DGKE: variants seen among roughly 807,000 people sequenced by gnomAD.
DGKE encodes the protein diacylglycerol kinase epsilon.
In DGKE, 53 loss-of-function variants were observed where a neutral mutation model predicts 70.0. The ratio of observed to expected loss-of-function variants is 0.76; its 90% CI spans 0.61 to 0.95. The LOEUF is 0.95. Among genes scored for constraint, DGKE ranks in the 40% least tolerant of loss-of-function variants. DGKE has a pLI of 0.00. For missense variants in DGKE, 655 were observed against 706.9 expected, an observed-to-expected ratio of 0.93 and a Z score of 0.83; for synonymous variants, 291 against 257.0, an observed-to-expected ratio of 1.13 and a Z score of -1.27.
chr17:56,867,282 A>G lies in DGKE; in HGVS notation c.*4491A>G, dbSNP rs1183954500. On this transcript the variant is annotated 3_prime_UTR_variant, in exon 12 of 12. Transcript: ENST00000284061. ...TATGCAAGAAAGTCTGCAGAAAATA[A>G]ATCACCTAGAAACTATAAATAGAAA... 1 of 152,188 alleles carries G rather than the reference A, an allele frequency of 6.6e-6. No homozygotes were observed. The highest frequency in any genetic ancestry group is 1.5e-5 in the Non-Finnish European group (1 of 68,044). 9.4% of individuals were successfully genotyped at this position (152,188 alleles called of 1,614,324 possible).
intron 7 of DGKE, 142 bp from the exon 8 acceptor site, chr17:56,856,370 C>A (rs1907949863): frequency 1.2e-6 from 1 of 856,284 alleles, no homozygotes; most frequent in Non-Finnish European, 1.8e-6. Context: ...CTTCACTGGA[C>A]AGTATAAAAT....
At chr17:56,843,939 T>C in intron 2 of DGKE, 80 bp from the exon 3 acceptor site, 1 of 1,358,204 alleles carries the variant, frequency 7.4e-7, no homozygotes, top group Non-Finnish European at 9.8e-7. Context: ...TTTTATTTTT[T>C]AACAAAAATG....
rs1731367631 is a variant in DGKE at position 56,845,797 on chromosome 17, G to C, written c.732G>C (p.Leu244Phe). Residue 244 changes from leucine to phenylalanine, a missense_variant, in exon 4 of 12, where the codon TTG becomes TTC. Leu to Phe is a conservative substitution (Grantham distance 22). Transcript: ENST00000284061. Reference sequence around the variant, plus strand: ...TGTTGGGAGAATTTAGGATCTTGTTGAATCCAGTCCAGGTAACTAAAGAAA... The same window carrying C: ...TGTTGGGAGAATTTAGGATCTTGTTCAATCCAGTCCAGGTAACTAAAGAAA... ...EGLLGEFRIL[L>F]NPVQVFDVTK... The C allele has an allele frequency of 6.2e-7, 1 of 1,601,070 alleles. No individual in the cohort carries two copies. The highest frequency in any genetic ancestry group is 8.5e-7 in the Non-Finnish European group (1 of 1,174,946).
chr17:56,858,613 G>T lies in DGKE; in HGVS notation c.1232G>T (p.Gly411Val). The change falls in exon 9 of 12, where the codon GGA becomes GTA. Residue 411 changes from glycine to valine, a missense_variant. Coordinates refer to ENST00000284061, the MANE Select transcript of DGKE (RefSeq NM_003647.3). ...ILNKAVYLFY[G>V]TKDCLVQECK... is the part of the protein sequence containing the mutation. ...TCATAGGCGGTTTACTTATTCTATGGAACCAAAGATTGTTTAGTGCAAGAA... is the reference window on the plus strand; with the variant it reads ...TCATAGGCGGTTTACTTATTCTATGTAACCAAAGATTGTTTAGTGCAAGAA... The T allele has an allele frequency of 6.2e-7, 1 of 1,607,592 alleles. No homozygotes were observed. The highest frequency in any genetic ancestry group is 1.3e-5 in the African/African-American group (1 of 74,638).
At chr17:56,835,384 A>T in intron 2 of DGKE, 125 bp downstream of exon 2, 1 of 979,936 alleles carries the variant, frequency 1.0e-6, no homozygotes, top group Non-Finnish European at 1.5e-6. Context: ...AAACAAGCTA[A>T]TAAATAAACA....
At chr17:56,855,256 A>G (rs1055528325) in intron 7 of DGKE, among the ~76,000 whole-genome samples, 4 of 152,176 alleles carry the variant, frequency 2.6e-5, no homozygotes, top group African/African-American at 9.7e-5. Context: ...ACAGACATTT[A>G]GTTCCATAAG....
At chr17:56,859,280 G>A (rs1227386205) in intron 9 of DGKE, among the ~76,000 whole-genome samples, 2 of 151,396 alleles carry the variant, frequency 1.3e-5, no homozygotes, top group African/African-American at 2.4e-5. Context: ...AGCCAAGATC[G>A]CGACGCTGCA....
Position 56,866,842 on chromosome 17 carries a change from T to C in DGKE, c.*4051T>C, listed in dbSNP as rs992423672. 1 of 152,250 alleles carries C rather than the reference T, an allele frequency of 6.6e-6. No homozygotes were observed. The highest frequency in any genetic ancestry group is 2.4e-5 in the African/African-American group (1 of 41,480). 9.4% of individuals were successfully genotyped at this position (152,250 alleles called of 1,614,324 possible). ...TGATTCTGCTATTTTTTATAAAGGGTTTGAAAGCCACTACTATAATGACTT... is the reference window on the plus strand; with the variant it reads ...TGATTCTGCTATTTTTTATAAAGGGCTTGAAAGCCACTACTATAATGACTT... On this transcript the variant is annotated 3_prime_UTR_variant, in exon 12 of 12. Transcript: ENST00000284061.
chr17:56,840,518 G>A (rs1217526465), intron 2 of DGKE, among the ~76,000 whole-genome samples: 3 of 152,120 alleles, frequency 2.0e-5, no homozygotes, highest in Non-Finnish European at 4.4e-5. Context: ...TGGGATTACA[G>A]GCATGCACCA....
At position 56,863,996 on chromosome 17, in the gene DGKE, A is replaced by G. The variant is rs372916146; in HGVS notation, c.*1205A>G. 7 of 152,206 alleles carry G rather than the reference A, an allele frequency of 4.6e-5. No individual in the cohort carries two copies. Among genetic ancestry groups the G allele is most frequent in the African/African-American group, 1.7e-4 (7 of 41,438 alleles). The allele number at this position is 152,206 out of a possible 1,614,324, so 9.4% of individuals were successfully genotyped here. A position where few individuals can be genotyped will look rare whatever the true frequency, so the allele number is the denominator to read the frequency against. ...ATCTAGATATTCTTATTCTTCACAAATATTCCTCATTGTATTGAAAAATGA... is the reference window on the plus strand; with the variant it reads ...ATCTAGATATTCTTATTCTTCACAAGTATTCCTCATTGTATTGAAAAATGA... On this transcript the variant is annotated 3_prime_UTR_variant, in exon 12 of 12. Coordinates refer to ENST00000284061, the MANE Select transcript of DGKE (RefSeq NM_003647.3).
At position 56,863,363 on chromosome 17, in the gene DGKE, G is replaced by A. The variant is rs1908402347; in HGVS notation, c.*572G>A. On this transcript the variant is annotated 3_prime_UTR_variant, in exon 12 of 12. Coordinates refer to ENST00000284061, the MANE Select transcript of DGKE (RefSeq NM_003647.3). ...TAAAAAAAGATCATACTTAAAATTT[G>A]TATTACAATTTTTATTTTAGGAACT... The A allele has an allele frequency of 6.6e-6, 1 of 152,136 alleles. No homozygotes were observed. The highest frequency in any genetic ancestry group is 6.5e-5 in the Admixed American group (1 of 15,278). 9.4% of individuals were successfully genotyped at this position (152,136 alleles called of 1,614,324 possible). A position where few individuals can be genotyped will look rare whatever the true frequency, so the allele number is the denominator to read the frequency against.
At position 56,862,357 on chromosome 17, in the gene DGKE, C is replaced by T. The variant is rs1908347631; in HGVS notation, c.1524+106C>T. 3 of 1,057,958 alleles carry T rather than the reference C, an allele frequency of 2.8e-6. No individual in the cohort carries two copies. In the African/African-American group the frequency reaches 4.7e-5, roughly 17 times the overall value. 65.5% of individuals were successfully genotyped at this position (1,057,958 alleles called of 1,614,324 possible). ...CTTTTCTTTAAACAGTGGTTTATGG[C>T]TCATGCAGCTGGTCACTGTACACTA... On this transcript the variant is annotated intron_variant, in intron 11 of 11. Coordinates refer to ENST00000284061, the MANE Select transcript of DGKE (RefSeq NM_003647.3).
At chr17:56,847,740 G>A (rs1442023564) in intron 4 of DGKE, 182 bp from the exon 5 acceptor site, 1 of 323,036 alleles carries the variant, frequency 3.1e-6, no homozygotes, top group African/African-American at 2.1e-5. Flanking sequence ...GCTTTGTAAA[G>A]TCAGTGTGGG....
At chr17:56,837,391 C>G (rs1014070694) in intron 2 of DGKE, among the ~76,000 whole-genome samples, 1 of 152,134 alleles carries the variant, frequency 6.6e-6, no homozygotes, top group Non-Finnish European at 1.5e-5. Flanking sequence ...TTGTATCCTC[C>G]CATTGAGCAC....
In DGKE at chr17:56,864,656, G is replaced by A. The variant is rs1239218781; in HGVS notation, c.*1865G>A. On this transcript the variant is annotated 3_prime_UTR_variant, in exon 12 of 12. Transcript: ENST00000284061. ...TTATGAAGTTTATCCTTTCATTCAT[G>A]ATCAAAATTGTTAAAGACATCACAT... is the stretch of plus-strand genomic sequence containing the variant. 1 of 149,952 alleles carries A rather than the reference G, an allele frequency of 6.7e-6. No homozygotes were observed. The highest frequency in any genetic ancestry group is 2.1e-4 in the South Asian group (1 of 4,692). 9.3% of individuals were successfully genotyped at this position (149,952 alleles called of 1,614,324 possible). A position where few individuals can be genotyped will look rare whatever the true frequency, so the allele number is the denominator to read the frequency against.
chr17:56,844,418 T>C (rs1907170051), intron 3 of DGKE, among the ~76,000 whole-genome samples: 1 of 152,172 alleles, frequency 6.6e-6, no homozygotes, highest in South Asian at 2.1e-4. Context: ...TAAAAGGAAA[T>C]TGGAAATGTT....
chr17:56,844,700 A>G (rs1907182587), intron 3 of DGKE, among the ~76,000 whole-genome samples: 1 of 152,176 alleles, frequency 6.6e-6, no homozygotes, highest in Non-Finnish European at 1.5e-5. Flanking sequence ...CAGGGTCCCT[A>G]GAGATAAGTT....
chr17:56,840,160 A>G (rs1369187047), intron 2 of DGKE, among the ~76,000 whole-genome samples: 1 of 152,110 alleles, frequency 6.6e-6, no homozygotes, highest in African/African-American at 2.4e-5. Flanking sequence ...GCGAAACTCC[A>G]TCTCAAAAAA....
At chr17:56,843,034 AT>A (rs1204573226) in intron 2 of DGKE, among the ~76,000 whole-genome samples, 14 of 152,158 alleles carry the variant, frequency 9.2e-5, no homozygotes, top group Non-Finnish European at 2.1e-4. Flanking sequence ...AGGTTAAGAG[AT>A]TTTCAAGCTG....
Sources: gnomAD v4.1 joint callset for allele counts (sites outside exome capture counted in the v4.1 genomes callset) on GRCh38, gnomAD v4.1.1 for gene constraint, MANE v1.5 for transcripts, NCBI Gene and HGNC (gene_info 2026-07-23, HGNC 2026-07-21) for gene names.